The following IPO11 variants were observed in gnomAD, a reference collection of about 807,000 sequenced individuals.
IPO11 encodes the protein importin 11.
Under a neutral mutation model 143.2 loss-of-function variants are expected in IPO11, and 66 were observed. The observed-to-expected ratio is 0.46, with a 90% CI of 0.38 to 0.57. The LOEUF is 0.57. IPO11 is among the 20% of genes least tolerant of loss of function. The pLI is 0.00. For missense variants in IPO11, 1,026 were observed against 1,141.0 expected (o/e 0.90, Z 1.45); for synonymous variants, 385 against 377.8 (o/e 1.02, Z -0.22).
chr5:62,496,406 T>A (rs1741159257), intron 16 of IPO11, among the ~76,000 whole-genome samples: 5 of 152,188 alleles, frequency 3.3e-5, no homozygotes, highest in Admixed American at 3.3e-4. Flanking sequence ...GCCTTTGCCC[T>A]TTATATCTTC....
intron 20 of IPO11, among the ~76,000 whole-genome samples, chr5:62,517,359 G>C (rs1184065205): frequency 6.6e-6 from 1 of 152,068 alleles, no homozygotes; most frequent in Non-Finnish European, 1.5e-5. Flanking sequence ...AACAATGAAC[G>C]ACCCGAGATA....
rs1427893757 is a variant in IPO11 at position 62,628,123 on chromosome 5, T to C, written c.*805T>C. Reference sequence around the variant, plus strand: ...GGGCGACTCCCAGTCCCACCTGTGCTGTGACAGTCCCACGTGGCTATGACA... The same window carrying C: ...GGGCGACTCCCAGTCCCACCTGTGCCGTGACAGTCCCACGTGGCTATGACA... On this transcript the variant is annotated 3_prime_UTR_variant, in exon 30 of 30. Coordinates refer to ENST00000325324, the MANE Select transcript of IPO11 (RefSeq NM_016338.5). The C allele has an allele frequency of 6.6e-6, 1 of 151,990 alleles. No homozygotes were observed. The highest frequency in any genetic ancestry group is 6.6e-5 in the Admixed American group (1 of 15,232). 9.4% of individuals were successfully genotyped at this position (151,990 alleles called of 1,614,324 possible).
intron 1 of IPO11, among the ~76,000 whole-genome samples, chr5:62,429,222 A>G (rs1387261396): frequency 6.6e-6 from 1 of 152,082 alleles, no homozygotes; most frequent in Non-Finnish European, 1.5e-5. Flanking sequence ...TTGTGTTATA[A>G]ATTTGCCTGT....
chr5:62,514,618 G>GAGAGGT (rs1554052855), intron 19 of IPO11, among the ~76,000 whole-genome samples: 3 of 148,364 alleles, frequency 2.0e-5, no homozygotes, highest in Non-Finnish European at 4.5e-5. Context: ...GAGGGAGAGG[G>GAGAGGT]AGAGGGAGAG....
chr5:62,535,046 T>C (rs1742690005), intron 22 of IPO11, among the ~76,000 whole-genome samples: 1 of 150,730 alleles, frequency 6.6e-6, no homozygotes, highest in Non-Finnish European at 1.5e-5. Flanking sequence ...TTTATTTATT[T>C]ATTTATTTGA....
chr5:62,621,741 G>A (rs764609484), intron 29 of IPO11, among the ~76,000 whole-genome samples: 1 of 152,182 alleles, frequency 6.6e-6, no homozygotes, highest in Non-Finnish European at 1.5e-5. Context: ...GTTAGGAAAA[G>A]CAGGCTAAAT....
In IPO11 at chr5:62,485,415, G is replaced by T. The variant is rs1244056608; in HGVS notation, c.1175-4G>T. The T allele has an allele frequency of 1.9e-6, 3 of 1,605,344 alleles. No homozygotes were observed. The highest frequency in any genetic ancestry group is 2.6e-6 in the Non-Finnish European group (3 of 1,172,528). On this transcript the variant is annotated splice_polypyrimidine_tract_variant and splice_region_variant and intron_variant, in intron 11 of 29. Coordinates refer to ENST00000325324, the MANE Select transcript of IPO11 (RefSeq NM_016338.5). Reference sequence around the variant, plus strand: ...ATGTCATTATTACATATTTTTAATTGCAGCAGTGGAAGAAACAGGAGGAGA... The same window carrying T: ...ATGTCATTATTACATATTTTTAATTTCAGCAGTGGAAGAAACAGGAGGAGA...
chr5:62,565,050 G>A (rs2112372891), intron 27 of IPO11, among the ~76,000 whole-genome samples: 1 of 152,284 alleles, frequency 6.6e-6, no homozygotes, highest in South Asian at 2.1e-4. Flanking sequence ...GATGGAATTA[G>A]CTGTCCTTAT....
At chr5:62,419,990 G>A (rs933216362) in intron 1 of IPO11, among the ~76,000 whole-genome samples, 4 of 151,892 alleles carry the variant, frequency 2.6e-5, no homozygotes, top group African/African-American at 9.7e-5. Context: ...GACAGAGATC[G>A]TAACTCTTAA....
intron 24 of IPO11, among the ~76,000 whole-genome samples, chr5:62,547,367 G>A (rs1743239812): frequency 6.6e-6 from 1 of 152,106 alleles, no homozygotes; most frequent in Non-Finnish European, 1.5e-5. Flanking sequence ...TCATGTCAGA[G>A]TGGAATGTCA....
intron 22 of IPO11, among the ~76,000 whole-genome samples, 190 bp downstream of exon 22, chr5:62,530,975 G>T (rs1742523166): frequency 6.6e-6 from 1 of 152,170 alleles, no homozygotes; most frequent in African/African-American, 2.4e-5. Context: ...AATTGATTCT[G>T]TCATCCAGTT....
chr5:62,478,398 C>T (rs973849270), intron 9 of IPO11, among the ~76,000 whole-genome samples: 5 of 152,138 alleles, frequency 3.3e-5, no homozygotes, highest in African/African-American at 1.2e-4. Context: ...AACTTCTGGG[C>T]TCAAGTGATC....
chr5:62,544,064 A>G (rs1743060663), intron 24 of IPO11, among the ~76,000 whole-genome samples: 1 of 152,168 alleles, frequency 6.6e-6, no homozygotes, highest in Admixed American at 6.6e-5. Context: ...ACAGTCTCCA[A>G]TCAATAGAAA....
At chr5:62,513,545 G>GC (rs1741872035) in intron 19 of IPO11, among the ~76,000 whole-genome samples, 2 of 109,272 alleles carry the variant, frequency 1.8e-5, no homozygotes, top group African/African-American at 3.4e-5. Context: ...GGGGGGCTGA[G>GC]CCCCCCACCT....
At chr5:62,452,223 C>T (rs1020595092) in intron 5 of IPO11, among the ~76,000 whole-genome samples, 4 of 145,090 alleles carry the variant, frequency 2.8e-5, no homozygotes, top group South Asian at 2.1e-4. Flanking sequence ...CCAGCCTGGG[C>T]GACAGGGCGA....
intron 22 of IPO11, among the ~76,000 whole-genome samples, chr5:62,536,494 C>T (rs1002281548): frequency 1.1e-4 from 17 of 152,050 alleles, no homozygotes; most frequent in African/African-American, 4.1e-4. Flanking sequence ...CCCTAGAGTG[C>T]AGTGGCGTGA....
At chr5:62,452,720 T>TGGGG in intron 5 of IPO11, among the ~76,000 whole-genome samples, 1 of 104,698 alleles carries the variant, frequency 9.6e-6, no homozygotes, top group African/African-American at 4.5e-5. Flanking sequence ...CTGTTTTTGG[T>TGGGG]GGGGTGTGTG....
chr5:62,551,619 T>TA (rs1743392724), intron 26 of IPO11, among the ~76,000 whole-genome samples: 1 of 152,220 alleles, frequency 6.6e-6, no homozygotes, highest in African/African-American at 2.4e-5. Context: ...TCTTCACTGA[T>TA]ACAGAATCTG....
At chr5:62,486,883 T>C (rs1050649211) in intron 12 of IPO11, among the ~76,000 whole-genome samples, 1 of 152,146 alleles carries the variant, frequency 6.6e-6, no homozygotes, top group Non-Finnish European at 1.5e-5. Context: ...GATGGTTATC[T>C]GAGATGACAC....
Sources: allele counts gnomAD v4.1 joint callset (sites outside exome capture counted in the v4.1 genomes callset), GRCh38; gene constraint gnomAD v4.1.1; transcripts MANE v1.5; gene names NCBI Gene and HGNC (gene_info 2026-07-23, HGNC 2026-07-21).